Variants in FGF13 observed in about 807,000 individuals in gnomAD.
FGF13 encodes the protein fibroblast growth factor homologous factor 2.
A neutral mutation model predicts 19.5 loss-of-function variants in FGF13; 2 were observed. The ratio of observed to expected loss-of-function variants is 0.10; its 90% CI spans 0.04 to 0.32. The LOEUF is 0.32. Among genes scored for constraint, FGF13 ranks in the 10% least tolerant of loss-of-function variants. The probability of loss-of-function intolerance (pLI) is 1.00; values close to 1 mark genes in which losing one functional copy is unlikely to be tolerated. For synonymous variants in FGF13, 72 were observed against 76.9 expected, an observed-to-expected ratio of 0.94 and a Z score of 0.33; for missense variants, 113 against 192.7, an observed-to-expected ratio of 0.59 and a Z score of 2.45.
chrX:138,946,820 A>G (rs1211204060), intron 1 of FGF13, among the ~76,000 whole-genome samples: 5 of 112,233 alleles, frequency 4.5e-5, no homozygotes, highest in Non-Finnish European at 7.5e-5. Context: ...GCATCCTAAA[A>G]TGTGTCACAA....
chrX:139,159,239 G>T (rs6528594), intron 1 of FGF13, among the ~76,000 whole-genome samples: 13,144 of 111,455 alleles, frequency 0.12, 1,297 homozygotes, highest in African/African-American at 0.33. Flanking sequence ...AGCTTCATAA[G>T]TGAAGGAGAA....
Position 139,036,876 on chromosome X carries a change from C to T in FGF13, c.-113+166540G>A, listed in dbSNP as rs940042925. On this transcript the variant is annotated intron_variant, in intron 1 of 2. Coordinates refer to the FGF13 transcript ENST00000421460. ...GACTTATTAGCTATCATGAGGAAAACCCACCCCCATTATTCAAGTACCTCC... is the reference window on the plus strand; with the variant it reads ...GACTTATTAGCTATCATGAGGAAAATCCACCCCCATTATTCAAGTACCTCC... Among the ~76,000 whole-genome samples, 36 of 110,614 alleles carry T rather than the reference C, an allele frequency of 3.3e-4. 1 individual carries two copies. Among genetic ancestry groups the T allele is most frequent in the Non-Finnish European group, 6.8e-4 (36 of 52,827 alleles).
chrX:138,893,240 C>G (rs929623158), intron 1 of FGF13, among the ~76,000 whole-genome samples: 1 of 111,387 alleles, frequency 9.0e-6, no homozygotes, highest in African/African-American at 3.3e-5. Context: ...GTACCCACAC[C>G]CAGATCCTTT....
At position 138,984,592 on chromosome X, in the gene FGF13, AGG is replaced by A. The variant is rs1569436194; in HGVS notation, c.-112-119944_-112-119943del. 4.5e-3 allele frequency among the ~76,000 whole-genome samples: 133 copies of A among 29,726 alleles called. 3 individuals are homozygous for A. Among genetic ancestry groups the A allele is most frequent in the East Asian group, 0.014 (11 of 766 alleles). 25.8% of individuals were successfully genotyped at this position (29,726 alleles called of 115,157 possible). A position where few individuals can be genotyped will look rare whatever the true frequency, so the allele number is the denominator to read the frequency against. ...AAGAAGAAGAAGAAGAAGAAGAAGGAGGAGGAGGAGGAGGAGGAGGAGGATGA... is the reference window on the plus strand; with the variant it reads ...AAGAAGAAGAAGAAGAAGAAGAAGGAAGGAGGAGGAGGAGGAGGAGGATGA... On this transcript the variant is annotated intron_variant, in intron 1 of 2. Transcript: ENST00000421460.
intron 1 of FGF13, among the ~76,000 whole-genome samples, chrX:138,968,291 T>A (rs756716436): frequency 2.7e-5 from 3 of 112,185 alleles, no homozygotes; most frequent in African/African-American, 9.7e-5. Context: ...CCCATACTTT[T>A]AAGGAAATAT....
At chrX:138,953,582 T>TA (rs969131733) in intron 1 of FGF13, among the ~76,000 whole-genome samples, 1 of 110,644 alleles carries the variant, frequency 9.0e-6, no homozygotes, top group South Asian at 3.8e-4. Flanking sequence ...ATAATAATAA[T>TA]AAAAAAAGAA....
At chrX:138,866,213 A>C (rs2091322137) in intron 1 of FGF13, among the ~76,000 whole-genome samples, 1 of 112,643 alleles carries the variant, frequency 8.9e-6, no homozygotes, top group South Asian at 3.7e-4. Context: ...TTTGGGCCCC[A>C]CCTCCAGAGA....
intron 1 of FGF13, among the ~76,000 whole-genome samples, chrX:138,984,520 AGAG>A (rs1373215638): frequency 0.15 from 3,671 of 23,814 alleles, 856 homozygotes; most frequent in East Asian, 0.2. Context: ...AGGAAGAAGA[AGAG>A]GAAGAAGAAG....
At chrX:138,739,792 T>C (rs2090306922), upstream of FGF13, among the ~76,000 whole-genome samples, 1 of 111,760 alleles carries the variant, frequency 8.9e-6, no homozygotes, top group African/African-American at 3.2e-5. Flanking sequence ...ACAAGCAAAA[T>C]AGACATTTGT....
downstream of FGF13, among the ~76,000 whole-genome samples, chrX:138,855,284 C>T (rs1244494165): frequency 1.8e-5 from 2 of 111,628 alleles, no homozygotes; most frequent in African/African-American, 3.3e-5. Flanking sequence ...TTCTTTCGCC[C>T]CCATCTAAAG....
Position 138,621,522 on chromosome X carries a change from C to T in FGF13, c.*11328G>A, listed in dbSNP as rs2089015438. The T allele has an allele frequency of 9.1e-6, 1 of 109,623 alleles. No individual in the cohort carries two copies. Among genetic ancestry groups the T allele is most frequent in the South Asian group, 3.8e-4 (1 of 2,616 alleles). 9.0% of individuals were successfully genotyped at this position (109,623 alleles called of 1,213,427 possible). ...ATTAAGAAAAAAAAAATCAAATAAA[C>T]GACCTAACTTTACACCTCAAGGAAC... is the stretch of plus-strand genomic sequence containing the variant. On this transcript the variant is annotated 3_prime_UTR_variant, in exon 5 of 5. Coordinates refer to ENST00000315930, the MANE Select transcript of FGF13 (RefSeq NM_004114.5).
chrX:138,719,374 A>G (rs2090132041), intron 1 of FGF13, among the ~76,000 whole-genome samples: 1 of 112,434 alleles, frequency 8.9e-6, no homozygotes, highest in Non-Finnish European at 1.9e-5. Flanking sequence ...AACATTGCTA[A>G]CTTTCTCATG....
rs1253406576 is a variant in FGF13, at chrX:138,902,715, C to T, written c.-112-38065G>A. ...TAGGAATATTTAAATACCAAAAATA[C>T]ATTTATTTGGGTAATGGTTTTTTGA... On this transcript the variant is annotated intron_variant, in intron 1 of 2. Coordinates refer to the FGF13 transcript ENST00000421460. Among the ~76,000 whole-genome samples the T allele has an allele frequency of 4.5e-5, 5 of 111,613 alleles. No homozygotes were observed. The East Asian group carries it at 1.4e-3, about 31-fold the overall frequency.
intron 3 of FGF13, among the ~76,000 whole-genome samples, chrX:138,798,198 T>G (rs2090794724): frequency 8.9e-6 from 1 of 111,908 alleles, no homozygotes; most frequent in Non-Finnish European, 1.9e-5. Context: ...GGCTAGGGGT[T>G]TGTCATAAAT....
chrX:139,038,734 G>A (rs937471256), intron 1 of FGF13, among the ~76,000 whole-genome samples: 1 of 111,513 alleles, frequency 9.0e-6, no homozygotes, highest in Non-Finnish European at 1.9e-5. Context: ...TTATTCTCTA[G>A]AACAGCACTG....
At chrX:138,892,517 T>C (rs989290193) in intron 1 of FGF13, among the ~76,000 whole-genome samples, 1 of 111,432 alleles carries the variant, frequency 9.0e-6, no homozygotes, top group Non-Finnish European at 1.9e-5. Flanking sequence ...ACTGTGTCAA[T>C]GAAGGTTTTT....
chrX:138,978,230 T>C (rs2091947627), intron 1 of FGF13, among the ~76,000 whole-genome samples: 1 of 107,547 alleles, frequency 9.3e-6, no homozygotes, highest in Admixed American at 1.0e-4. Context: ...TAATCTACTT[T>C]CCAACCTGTT....
chrX:138,766,658 G>A (rs1360707815), intron 3 of FGF13, among the ~76,000 whole-genome samples: 2 of 111,923 alleles, frequency 1.8e-5, no homozygotes, highest in Non-Finnish European at 3.8e-5. Flanking sequence ...AAATTAAGGA[G>A]TCTATTTTTC....
chrX:138,952,028 AC>A (rs893174701), intron 1 of FGF13, among the ~76,000 whole-genome samples: 7 of 111,571 alleles, frequency 6.3e-5, no homozygotes, highest in Admixed American at 1.9e-4. Context: ...ATTCAATGCA[AC>A]CCCCATCAAG....
Sources: allele counts gnomAD v4.1 joint callset (sites outside exome capture counted in the v4.1 genomes callset), GRCh38; gene constraint gnomAD v4.1.1; transcripts MANE v1.5; gene names NCBI Gene and HGNC (gene_info 2026-07-23, HGNC 2026-07-21).